SLC25A3: variants seen among roughly 807,000 people sequenced by gnomAD.
The protein encoded by SLC25A3 is solute carrier family 25 member 3.
In SLC25A3, 14 loss-of-function variants were observed where a neutral mutation model predicts 37.1. That is an observed-to-expected ratio of 0.38 (90% CI 0.25 to 0.59). The LOEUF (loss-of-function observed/expected upper bound fraction) is 0.59, where lower values mean the gene tolerates loss of function less well. Ranked by LOEUF, SLC25A3 falls within the 20% of genes least tolerant of loss-of-function variation. The probability of loss-of-function intolerance (pLI) is 0.67; values close to 1 mark genes in which losing one functional copy is unlikely to be tolerated. For synonymous variants in SLC25A3, 161 were observed against 168.7 expected (o/e 0.95, Z 0.36); for missense variants, 385 against 458.1 (o/e 0.84, Z 1.46).
At chr12:98,601,311 GAAC>G (rs1342546179) in intron 7 of SLC25A3, 30 bp downstream of exon 7, 2 of 1,614,072 alleles carry the variant, frequency 1.2e-6, no homozygotes, top group Middle Eastern at 1.6e-4. Flanking sequence ...TTGAAAGAAA[GAAC>G]AACAGTTTTG....
Position 98,602,672 on chromosome 12 carries a change from A to G in SLC25A3, c.*1144A>G, listed in dbSNP as rs2153288952. ...TAGATTCCCCTTAAGTTTGATTAGG[A>G]AGTGTATAAAAGTTCAATCTTTTGT... On this transcript the variant is annotated 3_prime_UTR_variant, in exon 8 of 8. Coordinates refer to ENST00000552981, the MANE Select transcript of SLC25A3 (RefSeq NM_002635.4). 6.6e-6 allele frequency: 1 copy of G among 152,266 alleles called. No homozygotes were observed. The highest frequency in any genetic ancestry group is 6.5e-5 in the Admixed American group (1 of 15,288). The allele number at this position is 152,266 out of a possible 1,614,324, so 9.4% of individuals were successfully genotyped here. A position where few individuals can be genotyped will look rare whatever the true frequency, so the allele number is the denominator to read the frequency against.
Position 98,600,107 on chromosome 12 carries a change from C to T in SLC25A3, c.794C>T (p.Thr265Ile). Reference sequence around the variant, plus strand: ...TCAAAGCCAGAGCAGCTGGTTGTAACATTTGTAGCAGGTTACATAGGTACG... The same window carrying T: ...TCAAAGCCAGAGCAGCTGGTTGTAATATTTGTAGCAGGTTACATAGGTACG... ...ECSKPEQLVV[T>I]FVAGYIAGVF... Residue 265 changes from threonine to isoleucine, a missense_variant, in exon 6 of 8, where the codon ACA (threonine) becomes ATA (isoleucine). Coordinates refer to ENST00000552981, the MANE Select transcript of SLC25A3 (RefSeq NM_002635.4). 1 of 1,611,766 alleles carries T rather than the reference C, an allele frequency of 6.2e-7. No homozygotes were observed. The highest frequency in any genetic ancestry group is 8.5e-7 in the Non-Finnish European group (1 of 1,177,814).
chr12:98,601,661 A>G lies in SLC25A3; in HGVS notation c.*133A>G. ...ATAATTACTGTAGTACTCTTGCTTA[A>G]GGCAAGAGTTTCAGATTTACTGTTG... is the stretch of plus-strand genomic sequence containing the variant. On this transcript the variant is annotated 3_prime_UTR_variant, in exon 8 of 8. Transcript: ENST00000552981. 2.9e-6 allele frequency: 2 copies of G among 688,742 alleles called. No homozygotes were observed. The highest frequency in any genetic ancestry group is 5.4e-5 in the East Asian group (2 of 36,970). 42.7% of individuals were successfully genotyped at this position (688,742 alleles called of 1,614,324 possible). A position where few individuals can be genotyped will look rare whatever the true frequency, so the allele number is the denominator to read the frequency against.
chr12:98,596,838 T>C (rs2097593381), intron 3 of SLC25A3, among the ~76,000 whole-genome samples: 1 of 152,080 alleles, frequency 6.6e-6, no homozygotes, highest in East Asian at 1.9e-4. Flanking sequence ...CTAGCCAACA[T>C]GGTGAAACCT....
At position 98,594,140 on chromosome 12, in the gene SLC25A3, G is replaced by T; in HGVS notation, c.157+5G>T. Reference sequence around the variant, plus strand: ...TGGCAGCCGCCGCCGTGGAAGGTGAGATCAGACCCTGCCCAATACAGTCGT... The same window carrying T: ...TGGCAGCCGCCGCCGTGGAAGGTGATATCAGACCCTGCCCAATACAGTCGT... On this transcript the variant is annotated splice_donor_5th_base_variant and intron_variant, in intron 2 of 7. Coordinates refer to ENST00000552981, the MANE Select transcript of SLC25A3 (RefSeq NM_002635.4). The T allele has an allele frequency of 6.2e-7, 1 of 1,607,332 alleles. No homozygotes were observed. Among genetic ancestry groups the T allele is most frequent in the Non-Finnish European group, 8.5e-7 (1 of 1,176,728 alleles).
intron 3 of SLC25A3, among the ~76,000 whole-genome samples, chr12:98,596,917 G>A (rs1373959768): frequency 6.6e-6 from 1 of 152,136 alleles, no homozygotes; most frequent in Non-Finnish European, 1.5e-5. Flanking sequence ...TACTCGGGAG[G>A]CTGAGGCAGG....
chr12:98,600,369 C>T (rs2097596772), intron 6 of SLC25A3, among the ~76,000 whole-genome samples: 2 of 151,956 alleles, frequency 1.3e-5, no homozygotes. Context: ...TCCCAAGTAG[C>T]TGGGACGGGC....
Position 98,601,421 on chromosome 12 carries a change from C to G in SLC25A3, c.979C>G (p.Leu327Val), listed in dbSNP as rs2097597764. 3 of 1,613,660 alleles carry G rather than the reference C, an allele frequency of 1.9e-6. No individual in the cohort carries two copies. Among genetic ancestry groups the G allele is most frequent in the South Asian group, 2.2e-5 (2 of 91,076 alleles). The part of the protein sequence containing the change: ...RIIMIGTLTA[L>V]QWFIYDSVKV... ...CATCATGATTGGTACCCTGACTGCACTACAGTGGTTTATCTATGACTCCGT... is the reference window on the plus strand; with the variant it reads ...CATCATGATTGGTACCCTGACTGCAGTACAGTGGTTTATCTATGACTCCGT... Residue 327 changes from leucine (L) to valine (V), a missense_variant, in exon 8 of 8, where the codon CTA becomes GTA. Leu to Val is a conservative substitution (Grantham distance 32, BLOSUM62 1). Transcript: ENST00000552981.
At chr12:98,598,191 A>G (rs2097594598) in intron 4 of SLC25A3, 156 bp downstream of exon 4, 3 of 718,306 alleles carry the variant, frequency 4.2e-6, no homozygotes, top group Non-Finnish European at 7.1e-6. Flanking sequence ...CAGCAGAGAC[A>G]GGTTGATAAA....
At position 98,606,238 on chromosome 12, in the gene SLC25A3, T is replaced by TATAAGTTATATTTAAAATA. The variant is rs1786642868; in HGVS notation, c.*4711_*4712insTAAGTTATATTTAAAATAA. On this transcript the variant is annotated 3_prime_UTR_variant, in exon 8 of 8. Coordinates refer to ENST00000552981, the MANE Select transcript of SLC25A3 (RefSeq NM_002635.4). ...TTGAGAAACAAAGTTATTTTAAACTTACAGGACTCTGTAGTTCACAGTTGA... is the reference window on the plus strand; with the variant it reads ...TTGAGAAACAAAGTTATTTTAAACTTATAAGTTATATTTAAAATAACAGGACTCTGTAGTTCACAGTTGA... 11 of 152,384 alleles carry TATAAGTTATATTTAAAATA rather than the reference T, an allele frequency of 7.2e-5. No individual in the cohort carries two copies. Among genetic ancestry groups the TATAAGTTATATTTAAAATA allele is most frequent in the African/African-American group, 2.6e-4 (11 of 41,592 alleles). The allele number at this position is 152,384 out of a possible 1,614,324, so 9.4% of individuals were successfully genotyped here. A position where few individuals can be genotyped will look rare whatever the true frequency, so the allele number is the denominator to read the frequency against.
intron 5 of SLC25A3, among the ~76,000 whole-genome samples, chr12:98,599,208 T>C (rs2097595662): frequency 6.6e-6 from 1 of 152,080 alleles, no homozygotes; most frequent in Admixed American, 6.6e-5. Context: ...ATTACAGGCA[T>C]GCACCACCAC....
Position 98,598,505 on chromosome 12 carries a change from T to C in SLC25A3, c.460-17T>C, listed in dbSNP as rs757256910. ...ACAACAGCAATTCACATCCCTTCCTTGTGTTTTGGATTTTAGGAGAATACT... is the reference window on the plus strand; with the variant it reads ...ACAACAGCAATTCACATCCCTTCCTCGTGTTTTGGATTTTAGGAGAATACT... On this transcript the variant is annotated splice_polypyrimidine_tract_variant and intron_variant, in intron 4 of 7. Transcript: ENST00000552981. 1 of 1,611,858 alleles carries C rather than the reference T, an allele frequency of 6.2e-7. No homozygotes were observed. The highest frequency in any genetic ancestry group is 1.1e-5 in the South Asian group (1 of 90,902).
chr12:98,595,561 T>G lies in SLC25A3; in HGVS notation c.158-166T>G, dbSNP rs780579036. 3.1e-6 allele frequency: 5 copies of G among 1,614,120 alleles called. No homozygotes were observed. In the East Asian group the frequency reaches 1.1e-4, roughly 36 times the overall value. Reference sequence around the variant, plus strand: ...TCTGGTTAAATGCAGAATGCAGGTTTGTTTTGCATGCTGGACTAGAGCATA... The same window carrying G: ...TCTGGTTAAATGCAGAATGCAGGTTGGTTTTGCATGCTGGACTAGAGCATA... On this transcript the variant is annotated intron_variant, in intron 2 of 7. Transcript: ENST00000552981.
chr12:98,597,628 T>G (rs2097594082), intron 3 of SLC25A3: 1 of 505,092 alleles, frequency 2.0e-6, no homozygotes, highest in Non-Finnish European at 3.5e-6. Flanking sequence ...TTCACTGTGT[T>G]GCCCAGGCTG....
At chr12:98,597,730 A>T in intron 3 of SLC25A3, 126 bp from the exon 4 acceptor site, 2 of 1,353,708 alleles carry the variant, frequency 1.5e-6, no homozygotes, top group Non-Finnish European at 2.0e-6. Context: ...GGCAGGAATT[A>T]CTGTAGTTAC....
chr12:98,595,103 TTCTGAGTTTCGTTTGTAC>T, intron 2 of SLC25A3: 1 of 313,696 alleles, frequency 3.2e-6, no homozygotes, highest in Non-Finnish European at 6.1e-6. Flanking sequence ...CGAGTGATCT[TTCTGAGTTTCGTTTGTAC>T]TCTGAAGTGT....
chr12:98,601,989 T>C lies in SLC25A3; in HGVS notation c.*461T>C, dbSNP rs982343232. On this transcript the variant is annotated 3_prime_UTR_variant, in exon 8 of 8. Transcript: ENST00000552981. Reference sequence around the variant, plus strand: ...GGTTATTTTGGCAAGTAAATGTCAGTGTATACTTACATTTTTGCAGCATGT... The same window carrying C: ...GGTTATTTTGGCAAGTAAATGTCAGCGTATACTTACATTTTTGCAGCATGT... 2.1e-5 allele frequency: 4 copies of C among 189,472 alleles called. No homozygotes were observed. Among genetic ancestry groups the C allele is most frequent in the African/African-American group, 7.2e-5 (3 of 41,812 alleles). 11.7% of individuals were successfully genotyped at this position (189,472 alleles called of 1,614,324 possible).
Position 98,601,549 on chromosome 12 carries a change from A to T in SLC25A3, c.*21A>T, listed in dbSNP as rs1473920287. 6.8e-7 allele frequency: 1 copy of T among 1,463,592 alleles called. No individual in the cohort carries two copies. The highest frequency in any genetic ancestry group is 9.6e-7 in the Non-Finnish European group (1 of 1,042,718). The allele number at this position is 1,463,592 out of a possible 1,614,324, so 90.7% of individuals were successfully genotyped here. On this transcript the variant is annotated 3_prime_UTR_variant, in exon 8 of 8. Coordinates refer to ENST00000552981, the MANE Select transcript of SLC25A3 (RefSeq NM_002635.4). ...AGTAGTTAGATCAAAGCAAATGTGG[A>T]CTGAATCTGCTTGTTGATCAGTGTT...
At chr12:98,594,618 C>G in intron 2 of SLC25A3, 1 of 496,938 alleles carries the variant, frequency 2.0e-6, no homozygotes, top group Non-Finnish European at 3.6e-6. Context: ...AACTAGATGT[C>G]CTGTTTTCGT....
Sources: gnomAD v4.1 joint callset for allele counts (sites outside exome capture counted in the v4.1 genomes callset) on GRCh38, gnomAD v4.1.1 for gene constraint, MANE v1.5 for transcripts, NCBI Gene and HGNC (gene_info 2026-07-23, HGNC 2026-07-21) for gene names.